The following PHKA2 variants were observed in gnomAD, a reference collection of about 807,000 sequenced individuals.
PHKA2 encodes phosphorylase kinase regulatory subunit alpha 2.
Under a neutral mutation model 102.0 loss-of-function variants are expected in PHKA2, and 31 were observed. The ratio of observed to expected loss-of-function variants is 0.30; its 90% CI spans 0.23 to 0.41. PHKA2 has a LOEUF of 0.41. PHKA2 is among the 10% of genes least tolerant of loss of function. PHKA2 has a pLI of 1.00. For missense variants in PHKA2, 858 were observed against 1,023.1 expected (o/e 0.84, Z 2.20); for synonymous variants, 455 against 416.2 (o/e 1.09, Z -1.13).
Position 18,893,364 on chromosome X carries a change from AGT to A in PHKA2, c.*119_*120del. ...GTGAGTGCTACCATTGCCCCCCGAG[AGT>A]GTTTCTGATGGGACATGCTTTCCTG... On this transcript the variant is annotated 3_prime_UTR_variant, in exon 33 of 33. Transcript: ENST00000379942. The A allele has an allele frequency of 1.4e-6, 1 of 699,107 alleles. No homozygotes were observed. Among genetic ancestry groups the A allele is most frequent in the South Asian group, 2.2e-5 (1 of 46,240 alleles). The allele number at this position is 699,107 out of a possible 1,213,427, so 57.6% of individuals were successfully genotyped here.
At chrX:18,975,967 C>CTTTTTTT (rs200764030) in intron 1 of PHKA2, among the ~76,000 whole-genome samples, 2 of 63,021 alleles carry the variant, frequency 3.2e-5, no homozygotes, top group East Asian at 5.2e-4. Context: ...AAGTCAAATT[C>CTTTTTTT]TTTTTTTTTT....
At position 18,960,921 on chromosome X, in the gene PHKA2, T is replaced by G. The variant is rs1601789295; in HGVS notation, c.79-6509A>C. Among the ~76,000 whole-genome samples, 3 of 112,842 alleles carry G rather than the reference T, an allele frequency of 2.7e-5. No homozygotes were observed. The East Asian group carries it at 8.3e-4, about 31-fold the overall frequency. The stretch of plus-strand genomic sequence containing the variant: ...ATAGATCCACATGAATAGGGCAAAC[T>G]GATTTTTGACAAAGATCTAAAGACA... On this transcript the variant is annotated intron_variant, in intron 1 of 32. Coordinates refer to ENST00000379942, the MANE Select transcript of PHKA2 (RefSeq NM_000292.3).
Position 18,943,756 on chromosome X carries a change from C to T in PHKA2, c.671G>A (p.Arg224His), listed in dbSNP as rs1202167585. Residue 224 changes from arginine (R) to histidine (H), a missense_variant, in exon 7 of 33, where the codon CGC (arginine) becomes CAC (histidine). This residue lies in a region of PHKA2 where 187 missense variants were observed against 277.9 expected (regional missense o/e 0.67). Transcript: ENST00000379942. ...ELDLFGAHGG[R>H]KSVIHVLPDE... ...TGGCAGAACATGAATCACTGACTTGCGTCCTCCATGGGCTCCAAAAAGGTC... is the reference window on the plus strand; with the variant it reads ...TGGCAGAACATGAATCACTGACTTGTGTCCTCCATGGGCTCCAAAAAGGTC... 3 of 1,208,487 alleles carry T rather than the reference C, an allele frequency of 2.5e-6. No individual in the cohort carries two copies. Among genetic ancestry groups the T allele is most frequent in the East Asian group, 3.0e-5 (1 of 33,759 alleles).
rs367696431 is a variant in PHKA2, at chrX:18,941,672, T to G, written c.721A>C (p.Ile241Leu). ...GCTCTTGGCAGCATGGAGAACAGAA[T>G]AGACTGAATGAAAAACAAAGAGGTG... The part of the protein sequence containing the change: ...LPDEVEHCQS[I>L]LFSMLPRAST... Residue 241 changes from isoleucine to leucine, a missense_variant, in exon 8 of 33, where the codon ATT becomes CTT. Physicochemically the swap from Ile to Leu is conservative, Grantham distance 5. Coordinates refer to ENST00000379942, the MANE Select transcript of PHKA2 (RefSeq NM_000292.3). The G allele has an allele frequency of 3.4e-6, 4 of 1,163,136 alleles. No homozygotes were observed. Among genetic ancestry groups the G allele is most frequent in the Non-Finnish European group, 4.7e-6 (4 of 850,567 alleles).
At chrX:18,941,867 A>G (rs2048495454) in intron 7 of PHKA2, among the ~76,000 whole-genome samples, 192 bp from the exon 8 acceptor site, 1 of 112,773 alleles carries the variant, frequency 8.9e-6, no homozygotes, top group Admixed American at 9.3e-5. Flanking sequence ...CTCAGGCGAG[A>G]AGTCAGGGCT....
intron 1 of PHKA2, among the ~76,000 whole-genome samples, chrX:18,978,358 G>T (rs1222427563): frequency 9.0e-6 from 1 of 111,121 alleles, no homozygotes; most frequent in Non-Finnish European, 1.9e-5. Flanking sequence ...CTCCCCAGCA[G>T]CCTTTTCCTC....
At chrX:18,913,181 G>A (rs187018746) in intron 19 of PHKA2, among the ~76,000 whole-genome samples, 2 of 111,320 alleles carry the variant, frequency 1.8e-5, no homozygotes, top group Non-Finnish European at 3.8e-5. Flanking sequence ...GTTGCTCTGG[G>A]TGACTGGGTG....
intron 4 of PHKA2, among the ~76,000 whole-genome samples, 197 bp from the exon 5 acceptor site, chrX:18,949,023 A>C (rs746843322): frequency 8.9e-6 from 1 of 111,817 alleles, no homozygotes; most frequent in Non-Finnish European, 1.9e-5. Flanking sequence ...GGAGGGAAGG[A>C]AGGAAAATAA....
At chrX:18,952,033 G>T (rs906727963) in intron 3 of PHKA2, among the ~76,000 whole-genome samples, 5 of 109,310 alleles carry the variant, frequency 4.6e-5, no homozygotes, top group African/African-American at 1.7e-4. Flanking sequence ...CAATAGTAAA[G>T]TTACTGAAAA....
At chrX:18,981,794 T>C (rs750856334) in intron 1 of PHKA2, among the ~76,000 whole-genome samples, 1 of 111,135 alleles carries the variant, frequency 9.0e-6, no homozygotes, top group East Asian at 2.8e-4. Context: ...GCACCCATTA[T>C]TTACTGTTGC....
chrX:18,956,501 CAT>C (rs1325905340), intron 1 of PHKA2, among the ~76,000 whole-genome samples: 1 of 111,933 alleles, frequency 8.9e-6, no homozygotes, highest in African/African-American at 3.2e-5. Flanking sequence ...ATCGCTTACA[CAT>C]AGTGACAAGT....
chrX:18,933,874 C>G (rs746699499), intron 11 of PHKA2, among the ~76,000 whole-genome samples: 1 of 111,847 alleles, frequency 8.9e-6, no homozygotes, highest in Non-Finnish European at 1.9e-5. Context: ...CAGAAAGTCA[C>G]AGAGTAATTT....
chrX:18,925,630 A>G, intron 15 of PHKA2, 38 bp downstream of exon 15: 1 of 771,708 alleles, frequency 1.3e-6, no homozygotes, highest in Non-Finnish European at 2.0e-6. Context: ...AGCAAAGAGA[A>G]CTTAAAAAAA....
intron 19 of PHKA2, among the ~76,000 whole-genome samples, chrX:18,914,603 G>C (rs2047988581): frequency 8.9e-6 from 1 of 111,928 alleles, no homozygotes; most frequent in Admixed American, 9.5e-5. Flanking sequence ...ACTACACCCA[G>C]CTTGATGACC....
intron 1 of PHKA2, among the ~76,000 whole-genome samples, chrX:18,968,761 A>AAGCTTTAAGTCAAGTATTAGG (rs1387980377): frequency 1.8e-5 from 2 of 112,451 alleles, no homozygotes; most frequent in African/African-American, 6.5e-5. Flanking sequence ...AAGTATCAGG[A>AAGCTTTAAGTCAAGTATTAGG]AGCTTTAAGT....
intron 1 of PHKA2, among the ~76,000 whole-genome samples, chrX:18,972,075 T>C (rs999070282): frequency 2.7e-5 from 3 of 113,046 alleles, no homozygotes; most frequent in African/African-American, 9.6e-5. Context: ...ATAAAAGTGT[T>C]CTATTTTAAG....
rs2048714752 is a variant in PHKA2 at position 18,952,502 on chromosome X, T to C, written c.277A>G (p.Met93Val). 8.3e-7 allele frequency: 1 copy of C among 1,210,151 alleles called. No homozygotes were observed. Among genetic ancestry groups the C allele is most frequent in the Non-Finnish European group, 1.1e-6 (1 of 893,982 alleles). The change falls in exon 3 of 33, where the codon ATG becomes GTG. Residue 93 changes from methionine (M) to valine (V), a missense_variant. Coordinates refer to ENST00000379942, the MANE Select transcript of PHKA2 (RefSeq NM_000292.3). ...GTGTGGGTTCTGCCTACCTGTCTCA[T>C]CATGCACTGGAGAAGACCTCGCATC... is the stretch of plus-strand genomic sequence containing the variant. The part of the protein sequence containing the change: ...KLMRGLLQCM[M>V]RQVAKVEKFK...
chrX:18,913,863 C>T lies in PHKA2; in HGVS notation c.2138-2903G>A, dbSNP rs1203537288. 5.4e-5 allele frequency among the ~76,000 whole-genome samples: 6 copies of T among 111,907 alleles called. No individual in the cohort carries two copies. The Admixed American group carries it at 5.7e-4, about 11-fold the overall frequency. Reference sequence around the variant, plus strand: ...ACTGCTTCCACCTCCACAGCTTGTCCCACTGGAAGGTCTTCAGGGGCAGTA... The same window carrying T: ...ACTGCTTCCACCTCCACAGCTTGTCTCACTGGAAGGTCTTCAGGGGCAGTA... On this transcript the variant is annotated intron_variant, in intron 19 of 32. Coordinates refer to ENST00000379942, the MANE Select transcript of PHKA2 (RefSeq NM_000292.3).
chrX:18,906,926 G>T, intron 23 of PHKA2, 92 bp downstream of exon 23: 1 of 1,018,434 alleles, frequency 9.8e-7, no homozygotes, highest in Non-Finnish European at 1.4e-6. Flanking sequence ...GTGACAGAGT[G>T]TCTTTAAAAA....
Sources: gnomAD v4.1 joint callset for allele counts (sites outside exome capture counted in the v4.1 genomes callset) on GRCh38, gnomAD v4.1.1 for gene constraint, gnomAD v4.1.1 regional missense constraint, MANE v1.5 for transcripts, NCBI Gene and HGNC (gene_info 2026-07-23, HGNC 2026-07-21) for gene names.